The following ECT2 variants were observed in gnomAD, a reference collection of about 807,000 sequenced individuals.
ECT2 encodes the protein protein ECT2.
ECT2 carries 61 observed loss-of-function variants against 116.9 expected under a neutral mutation model. That is an observed-to-expected ratio of 0.52 (90% CI 0.42 to 0.65). The LOEUF is 0.65. ECT2 is among the 30% of genes least tolerant of loss of function. The pLI, the probability that ECT2 is intolerant of heterozygous loss-of-function variation, is 0.00. For synonymous variants in ECT2, 358 were observed against 346.4 expected, an observed-to-expected ratio of 1.03 and a Z score of -0.37; for missense variants, 937 against 1,078.7, an observed-to-expected ratio of 0.87 and a Z score of 1.84.
At position 172,813,182 on chromosome 3, in the gene ECT2, C is replaced by G. The variant is rs981932367; in HGVS notation, c.2401-2422C>G. 3.3e-5 allele frequency among the ~76,000 whole-genome samples: 5 copies of G among 152,134 alleles called. No individual in the cohort carries two copies. In the East Asian group the frequency reaches 9.6e-4, roughly 29 times the overall value. ...TAAATGCATAAGTATCAAGAGTTTT[C>G]CTTTATGCTGGCAGTAACCAGTTAG... On this transcript the variant is annotated intron_variant, in intron 22 of 24. Coordinates refer to ENST00000392692, the MANE Select transcript of ECT2 (RefSeq NM_001258315.2).
At chr3:172,751,894 TGTTA>T (rs762582796) in intron 1 of ECT2, among the ~76,000 whole-genome samples, 2 of 152,192 alleles carry the variant, frequency 1.3e-5, no homozygotes, top group Non-Finnish European at 1.5e-5. Context: ...GACTGTTGGA[TGTTA>T]GTTATGTCAT....
chr3:172,784,565 A>G (rs1723279834), intron 16 of ECT2, 142 bp from the exon 17 acceptor site: 2 of 610,334 alleles, frequency 3.3e-6, no homozygotes. Context: ...TATTCAGCCA[A>G]GTAATCAGCC....
At chr3:172,806,495 A>T (rs1338457509) in intron 21 of ECT2, among the ~76,000 whole-genome samples, 1 of 151,850 alleles carries the variant, frequency 6.6e-6, no homozygotes. Context: ...GTGTATGTGC[A>T]TGGCCATATT....
intron 21 of ECT2, among the ~76,000 whole-genome samples, chr3:172,807,035 A>T (rs554400092): frequency 6.6e-6 from 1 of 152,306 alleles, no homozygotes; most frequent in South Asian, 2.1e-4. Context: ...TACATAGTAT[A>T]GTTGTCCCTT....
In ECT2 at chr3:172,762,397, G is replaced by T; in HGVS notation, c.759-19G>T. On this transcript the variant is annotated intron_variant, in intron 8 of 24. Transcript: ENST00000392692. ...AATTTAAGTTAAACTGGTTTTGGAA[G>T]AGTGTATTTTGTTTTTAGGGATTTC... 2 of 1,582,520 alleles carry T rather than the reference G, an allele frequency of 1.3e-6. No individual in the cohort carries two copies. The highest frequency in any genetic ancestry group is 1.7e-6 in the Non-Finnish European group (2 of 1,170,898).
At chr3:172,808,025 G>A (rs1728092510) in intron 22 of ECT2, 101 bp downstream of exon 22, 1 of 1,196,334 alleles carries the variant, frequency 8.4e-7, no homozygotes, top group Non-Finnish European at 1.1e-6. Flanking sequence ...TATGAATGGA[G>A]AGTTTTAGTT....
intron 15 of ECT2, 74 bp from the exon 16 acceptor site, chr3:172,783,725 T>C: frequency 1.0e-6 from 1 of 975,676 alleles, no homozygotes; most frequent in Non-Finnish European, 1.6e-6. Context: ...TACTAATTAT[T>C]TGACTTTAAG....
At chr3:172,776,857 T>C (rs1721828054) in intron 14 of ECT2, among the ~76,000 whole-genome samples, 1 of 151,350 alleles carries the variant, frequency 6.6e-6, no homozygotes, top group Non-Finnish European at 1.5e-5. Context: ...GAATATGTAG[T>C]GGAAAAAACG....
intron 20 of ECT2, among the ~76,000 whole-genome samples, chr3:172,805,318 TTA>T (rs1217512124): frequency 6.6e-6 from 1 of 152,204 alleles, no homozygotes; most frequent in Non-Finnish European, 1.5e-5. Context: ...TTAACACTTG[TTA>T]TTGTTTTTCC....
chr3:172,800,770 G>A (rs1386606514), intron 18 of ECT2, among the ~76,000 whole-genome samples: 2 of 152,034 alleles, frequency 1.3e-5, no homozygotes, highest in African/African-American at 4.8e-5. Context: ...AGTCTTATAT[G>A]CTTTCCTTTT....
intron 18 of ECT2, among the ~76,000 whole-genome samples, chr3:172,801,137 CTTA>C (rs1421627263): frequency 6.6e-6 from 1 of 150,918 alleles, no homozygotes; most frequent in Non-Finnish European, 1.5e-5. Context: ...TCTCATTAGT[CTTA>C]TTTTCCTGTC....
chr3:172,818,489 C>A, intron 24 of ECT2: 1 of 1,082,514 alleles, frequency 9.2e-7, no homozygotes, highest in South Asian at 2.2e-5. Context: ...TAAGAAGCAG[C>A]TAAAATACCT....
intron 20 of ECT2, among the ~76,000 whole-genome samples, chr3:172,803,650 A>ATTTTTCTC (rs1347459346): frequency 6.6e-6 from 1 of 152,158 alleles, no homozygotes; most frequent in Admixed American, 6.5e-5. Context: ...AAAAATGTTC[A>ATTTTTCTC]TTTTGATAAA....
chr3:172,754,230 ATATT>A (rs1440699381), intron 1 of ECT2, among the ~76,000 whole-genome samples: 1 of 152,134 alleles, frequency 6.6e-6, no homozygotes, highest in African/African-American at 2.4e-5. Context: ...AGGTAGAATA[ATATT>A]TATGACTACA....
At chr3:172,790,669 G>T (rs1724496237) in intron 18 of ECT2, among the ~76,000 whole-genome samples, 1 of 152,182 alleles carries the variant, frequency 6.6e-6, no homozygotes, top group African/African-American at 2.4e-5. Flanking sequence ...TAGATAATAA[G>T]ACTTGAAAAT....
intron 4 of ECT2, 104 bp from the exon 5 acceptor site, chr3:172,756,878 AT>A: frequency 1.1e-6 from 1 of 932,952 alleles, no homozygotes; most frequent in Non-Finnish European, 1.6e-6. Flanking sequence ...AAATATAAAC[AT>A]GTTAAAGTTG....
At chr3:172,760,977 T>C (rs1718172481) in intron 7 of ECT2, among the ~76,000 whole-genome samples, 1 of 152,042 alleles carries the variant, frequency 6.6e-6, no homozygotes, top group Non-Finnish European at 1.5e-5. Flanking sequence ...TGCCTCGGAC[T>C]CCCAAAGTGG....
At position 172,795,344 on chromosome 3, in the gene ECT2, A is replaced by T. The variant is rs4476532; in HGVS notation, c.1908-7272A>T. Among the ~76,000 whole-genome samples the T allele has an allele frequency of 2.3e-3, 334 of 145,064 alleles. 1 individual carries two copies. Among genetic ancestry groups the T allele is most frequent in the Admixed American group, 2.7e-3 (40 of 14,692 alleles). ...CTATCAAAAAAAAAAAAAAAAAAAA[A>T]TTTTCAAAATTGTCAAAATACATTT... On this transcript the variant is annotated intron_variant, in intron 18 of 24. Transcript: ENST00000392692.
At chr3:172,759,414 A>G (rs1038660938) in intron 6 of ECT2, among the ~76,000 whole-genome samples, 1 of 151,998 alleles carries the variant, frequency 6.6e-6, no homozygotes, top group Non-Finnish European at 1.5e-5. Context: ...CTGTTGCCCT[A>G]TAGAATTCAT....
Sources: gnomAD v4.1 joint callset for allele counts (sites outside exome capture counted in the v4.1 genomes callset) on GRCh38, gnomAD v4.1.1 for gene constraint, MANE v1.5 for transcripts, NCBI Gene and HGNC (gene_info 2026-07-23, HGNC 2026-07-21) for gene names.